The following NBEA variants were observed in gnomAD, a reference collection of about 807,000 sequenced individuals.
The protein encoded by NBEA is lysosomal-trafficking regulator 2.
In NBEA, 44 loss-of-function variants were observed where a neutral mutation model predicts 343.4. That is an observed-to-expected ratio of 0.13 (90% confidence interval 0.10 to 0.16). NBEA has a LOEUF of 0.16. Ranked by LOEUF, NBEA falls within the 10% of genes least tolerant of loss-of-function variation. The pLI is 1.00. For missense variants in NBEA, 2,555 were observed against 3,631.3 expected (o/e 0.70, Z 7.62); for synonymous variants, 1,175 against 1,238.7 (o/e 0.95, Z 1.08).
chr13:35,664,949 T>C, intron 55 of NBEA, 136 bp from the exon 56 acceptor site: 1 of 632,850 alleles, frequency 1.6e-6, no homozygotes, highest in Non-Finnish European at 2.8e-6. Flanking sequence ...AGAGGTTAAG[T>C]AACTGGCTCA....
intron 1 of NBEA, among the ~76,000 whole-genome samples, chr13:34,960,162 G>A (rs573108986): frequency 2.6e-4 from 39 of 152,116 alleles, no homozygotes; most frequent in African/African-American, 9.2e-4. Flanking sequence ...TGAAGATCCT[G>A]ACACTTCGTA....
At chr13:35,440,089 A>C (rs560536827) in intron 39 of NBEA, among the ~76,000 whole-genome samples, 2 of 152,338 alleles carry the variant, frequency 1.3e-5, no homozygotes, top group Admixed American at 6.5e-5. Flanking sequence ...CATGTTGGCC[A>C]GGCTGGTCTC....
At chr13:35,327,851 C>A (rs190692906) in intron 36 of NBEA, among the ~76,000 whole-genome samples, 35 of 151,628 alleles carry the variant, frequency 2.3e-4, no homozygotes, top group African/African-American at 8.2e-4. Context: ...GAAAAATATA[C>A]GATCATTGTC....
chr13:35,165,483 A>G (rs2069938479), intron 24 of NBEA, among the ~76,000 whole-genome samples: 1 of 152,134 alleles, frequency 6.6e-6, no homozygotes, highest in Admixed American at 6.6e-5. Flanking sequence ...TAGCAGCTGA[A>G]CCAAGGAAAT....
chr13:35,655,712 T>C lies in NBEA; in HGVS notation c.8325T>C (p.Ser2775=). ...CCACCCTGCTGCTCTGGTACTGGAGTGGGCGGCACCATATCATAGGAGACA... is the reference window on the plus strand; with the variant it reads ...CCACCCTGCTGCTCTGGTACTGGAGCGGGCGGCACCATATCATAGGAGACA... ...RDATLLLWYW[S]GRHHIIGDNP... is the part of the protein sequence containing the mutation. The change falls in exon 55 of 59, where the codon AGT becomes AGC. Residue 2775 remains serine (S), a synonymous_variant. Coordinates refer to ENST00000379939, the MANE Select transcript of NBEA (RefSeq NM_001385012.1). 6.2e-7 allele frequency: 1 copy of C among 1,613,800 alleles called. No individual in the cohort carries two copies. Among genetic ancestry groups the C allele is most frequent in the Admixed American group, 1.7e-5 (1 of 60,004 alleles).
At chr13:35,670,856 G>T (rs1356661819) in intron 58 of NBEA, 45 bp from the exon 59 acceptor site, 1 of 1,369,392 alleles carries the variant, frequency 7.3e-7, no homozygotes, top group Non-Finnish European at 1.0e-6. Flanking sequence ...AGCAACCACA[G>T]AAATGATTTT....
At chr13:35,659,435 A>G (rs2084965917) in intron 55 of NBEA, among the ~76,000 whole-genome samples, 1 of 152,256 alleles carries the variant, frequency 6.6e-6, no homozygotes, top group Non-Finnish European at 1.5e-5. Context: ...TTATATTGTA[A>G]TAGATAGCTC....
intron 17 of NBEA, among the ~76,000 whole-genome samples, chr13:35,141,430 C>T (rs2068086472): frequency 1.3e-5 from 2 of 152,064 alleles, no homozygotes; most frequent in South Asian, 4.1e-4. Context: ...CCACGCCCAG[C>T]TAATTTTTGT....
At chr13:35,003,339 G>A (rs1206459859) in intron 1 of NBEA, among the ~76,000 whole-genome samples, 2 of 152,106 alleles carry the variant, frequency 1.3e-5, no homozygotes, top group Non-Finnish European at 2.9e-5. Context: ...CACTGCACTA[G>A]CCTGGGCAAC....
At chr13:35,606,722 A>C in intron 48 of NBEA, 144 bp downstream of exon 48, 2 of 686,082 alleles carry the variant, frequency 2.9e-6, no homozygotes, top group Non-Finnish European at 4.2e-6. Flanking sequence ...ATGAAAAAGA[A>C]AACATTTTAC....
At chr13:35,616,237 T>C (rs1186818231) in intron 48 of NBEA, among the ~76,000 whole-genome samples, 1 of 152,232 alleles carries the variant, frequency 6.6e-6, no homozygotes, top group East Asian at 1.9e-4. Flanking sequence ...TCTTAAAGTC[T>C]GTAAAATTCC....
intron 47 of NBEA, among the ~76,000 whole-genome samples, chr13:35,594,982 CACACACACAA>C (rs1399030666): frequency 2.6e-5 from 4 of 151,120 alleles, no homozygotes; most frequent in Non-Finnish European, 3.0e-5. Flanking sequence ...CACACACACA[CACACACACAA>C]ATTGGCTTTT....
chr13:35,512,782 TCTGG>T (rs2077327548), intron 41 of NBEA, among the ~76,000 whole-genome samples: 1 of 152,168 alleles, frequency 6.6e-6, no homozygotes, highest in Non-Finnish European at 1.5e-5. Flanking sequence ...TTGGCAAACC[TCTGG>T]ATTAGCTGTC....
chr13:35,075,332 T>C (rs926796196), intron 10 of NBEA, among the ~76,000 whole-genome samples: 2 of 152,152 alleles, frequency 1.3e-5, no homozygotes, highest in Non-Finnish European at 2.9e-5. Context: ...TTTACTTTCT[T>C]CCGTGAGTTA....
intron 38 of NBEA, among the ~76,000 whole-genome samples, chr13:35,412,241 G>A (rs913109103): frequency 6.6e-6 from 1 of 152,012 alleles, no homozygotes; most frequent in South Asian, 2.1e-4. Context: ...ACAGCATTGC[G>A]GTACTATATA....
intron 38 of NBEA, among the ~76,000 whole-genome samples, chr13:35,427,133 C>G (rs1263206238): frequency 6.6e-6 from 1 of 152,182 alleles, no homozygotes; most frequent in East Asian, 1.9e-4. Context: ...TCTCTCAACT[C>G]GTCAAAGTCA....
chr13:35,380,848 CAGAG>C (rs1406609086), intron 38 of NBEA, among the ~76,000 whole-genome samples: 1 of 152,126 alleles, frequency 6.6e-6, no homozygotes, highest in Non-Finnish European at 1.5e-5. Flanking sequence ...CTTCTAATGA[CAGAG>C]AAAGTTTTAA....
intron 33 of NBEA, among the ~76,000 whole-genome samples, chr13:35,219,002 T>G (rs2074220329): frequency 6.6e-6 from 1 of 152,150 alleles, no homozygotes; most frequent in African/African-American, 2.4e-5. Flanking sequence ...AAATTTCAAT[T>G]TAATTAGTTA....
chr13:35,082,119 A>G (rs1018568582), intron 10 of NBEA, among the ~76,000 whole-genome samples: 11 of 150,914 alleles, frequency 7.3e-5, no homozygotes, highest in African/African-American at 2.4e-4. Context: ...TCCTGTTTCC[A>G]TGTTTTCTCA....
Sources: allele counts gnomAD v4.1 joint callset (sites outside exome capture counted in the v4.1 genomes callset), GRCh38; gene constraint gnomAD v4.1.1; transcripts MANE v1.5; gene names NCBI Gene and HGNC (gene_info 2026-07-23, HGNC 2026-07-21).